PLCG2: variants seen among roughly 807,000 people sequenced by gnomAD.
PLCG2 encodes the protein 1-phosphatidylinositol 4,5-bisphosphate phosphodiesterase gamma-2.
Under a neutral mutation model 175.6 loss-of-function variants are expected in PLCG2, and 69 were observed. The ratio of observed to expected loss-of-function variants is 0.39; its 90% CI spans 0.32 to 0.48. The LOEUF is 0.48. Among genes scored for constraint, PLCG2 ranks in the 20% least tolerant of loss-of-function variants. The probability of loss-of-function intolerance (pLI) is 0.91; values close to 1 mark genes in which losing one functional copy is unlikely to be tolerated. For synonymous variants in PLCG2, 827 were observed against 624.0 expected, an observed-to-expected ratio of 1.33 and a Z score of -4.85; for missense variants, 1,798 against 1,650.9, an observed-to-expected ratio of 1.09 and a Z score of -1.54.
At chr16:81,835,259 C>G (rs1036956115) in intron 2 of PLCG2, among the ~76,000 whole-genome samples, 2 of 152,190 alleles carry the variant, frequency 1.3e-5, no homozygotes, top group Admixed American at 6.5e-5. Flanking sequence ...AGTTAATATA[C>G]TACCTTACGT....
chr16:81,812,447 G>T (rs1329502906), intron 2 of PLCG2, among the ~76,000 whole-genome samples: 1 of 152,200 alleles, frequency 6.6e-6, no homozygotes, highest in African/African-American at 2.4e-5. Context: ...CAGTGATGAT[G>T]AGCTTTTTTC....
At chr16:81,755,982 C>T (rs1206996654) in intron 2 of PLCG2, 1 of 152,692 alleles carries the variant, frequency 6.5e-6, no homozygotes, top group African/African-American at 2.4e-5. Flanking sequence ...CACATGGCCT[C>T]CAATCTGTCC....
At position 81,880,196 on chromosome 16, in the gene PLCG2, G is replaced by T. The variant is rs533554861; in HGVS notation, c.649-714G>T. On this transcript the variant is annotated intron_variant, in intron 7 of 32. Coordinates refer to ENST00000564138, the MANE Select transcript of PLCG2 (RefSeq NM_002661.5). ...AGTGAGGCTGTGGTGAACTATGGTC[G>T]TGCCACTGCACTCCAGCCTGGGTAA... 6.6e-5 allele frequency among the ~76,000 whole-genome samples: 10 copies of T among 152,262 alleles called. No homozygotes were observed. The South Asian group carries it at 2.1e-3, about 32-fold the overall frequency.
chr16:81,880,835 CA>C, intron 7 of PLCG2, 74 bp from the exon 8 acceptor site: 12 of 1,384,718 alleles, frequency 8.7e-6, no homozygotes, highest in Non-Finnish European at 1.1e-5. Flanking sequence ...GCTTTTTTAA[CA>C]ACAAAAATCT....
intron 2 of PLCG2, among the ~76,000 whole-genome samples, chr16:81,768,056 G>A (rs1028224613): frequency 5.3e-5 from 8 of 151,984 alleles, no homozygotes; most frequent in African/African-American, 1.9e-4. Flanking sequence ...TGCCCACCTA[G>A]TTTTTGTATA....
At chr16:81,824,557 T>C (rs1429944465) in intron 2 of PLCG2, among the ~76,000 whole-genome samples, 2 of 152,176 alleles carry the variant, frequency 1.3e-5, no homozygotes, top group South Asian at 2.1e-4. Flanking sequence ...CATGTTTGGA[T>C]CTCCCTCAGG....
At chr16:81,895,485 G>A (rs549194501) in intron 12 of PLCG2, 32 of 252,874 alleles carry the variant, frequency 1.3e-4, no homozygotes, top group African/African-American at 6.0e-4. Context: ...GCTTCAACCC[G>A]GGAGGCGGAG....
intron 1 of PLCG2, among the ~76,000 whole-genome samples, chr16:81,750,477 C>G (rs1053738263): frequency 1.3e-5 from 2 of 150,818 alleles, no homozygotes; most frequent in African/African-American, 4.9e-5. Flanking sequence ...GATATTTACC[C>G]AAAAGATTTG....
rs963072613 is a variant in PLCG2, at chr16:81,928,497, C to T, written c.2515-61C>T. 6.0e-5 allele frequency: 64 copies of T among 1,065,176 alleles called. 1 individual carries two copies. Among genetic ancestry groups the T allele is most frequent in the Middle Eastern group, 2.0e-4 (1 of 5,056 alleles). 66.0% of individuals were successfully genotyped at this position (1,065,176 alleles called of 1,614,324 possible). Reference sequence around the variant, plus strand: ...TCTGCTAAACGGTGTGCTTTGGAAACGGGTTTTCTTTTTATTATTCCCGTT... The same window carrying T: ...TCTGCTAAACGGTGTGCTTTGGAAATGGGTTTTCTTTTTATTATTCCCGTT... On this transcript the variant is annotated intron_variant, in intron 23 of 32. Coordinates refer to ENST00000564138, the MANE Select transcript of PLCG2 (RefSeq NM_002661.5).
At chr16:81,740,806 G>C (rs1909577273) in intron 1 of PLCG2, among the ~76,000 whole-genome samples, 1 of 148,844 alleles carries the variant, frequency 6.7e-6, no homozygotes, top group Non-Finnish European at 1.5e-5. Flanking sequence ...TTCCCACTGT[G>C]GGTGCAGAGG....
intron 14 of PLCG2, among the ~76,000 whole-genome samples, chr16:81,904,398 A>G (rs530007671): frequency 1.4e-4 from 22 of 152,342 alleles, no homozygotes; most frequent in African/African-American, 3.8e-4. Context: ...ATGACCCTCA[A>G]CTTACAGACG....
In PLCG2 at chr16:81,962,297, G is replaced by A. The variant is rs1472679138; in HGVS notation, c.*4299G>A. 5.0e-6 allele frequency: 1 copy of A among 199,312 alleles called. No homozygotes were observed. Among genetic ancestry groups the A allele is most frequent in the Non-Finnish European group, 1.0e-5 (1 of 96,666 alleles). The allele number at this position is 199,312 out of a possible 1,614,324, so 12.3% of individuals were successfully genotyped here. A position where few individuals can be genotyped will look rare whatever the true frequency, so the allele number is the denominator to read the frequency against. On this transcript the variant is annotated 3_prime_UTR_variant, in exon 33 of 33. Coordinates refer to ENST00000564138, the MANE Select transcript of PLCG2 (RefSeq NM_002661.5). ...CAACCTGTGTGACATTTAACTTTTT[G>A]AACCCAACCGTAAAAGCTATCTTCT...
rs73594838 is a variant in PLCG2 at position 81,871,033 on chromosome 16, T to C, written c.648+98T>C. 13,903 of 618,086 alleles carry C rather than the reference T, an allele frequency of 0.022. 497 individuals carry two copies. The highest frequency in any genetic ancestry group is 0.12 in the African/African-American group (6,495 of 52,930). 38.3% of individuals were successfully genotyped at this position (618,086 alleles called of 1,614,324 possible). A position where few individuals can be genotyped will look rare whatever the true frequency, so the allele number is the denominator to read the frequency against. On this transcript the variant is annotated intron_variant, in intron 7 of 32. Transcript: ENST00000564138. ...TAAGAAACCCACAAGAAGTGTTGAA[T>C]CTCCATTTTAGTCAAGGAAACATAA...
At chr16:81,788,053 G>A (rs977120136) in intron 2 of PLCG2, among the ~76,000 whole-genome samples, 1 of 152,108 alleles carries the variant, frequency 6.6e-6, no homozygotes, top group Non-Finnish European at 1.5e-5. Context: ...TTGTGTGGAT[G>A]TCTGTTTTTA....
At chr16:81,774,881 ACT>A (rs1244915258), upstream of PLCG2, among the ~76,000 whole-genome samples, 1 of 151,550 alleles carries the variant, frequency 6.6e-6, no homozygotes, top group Non-Finnish European at 1.5e-5. Context: ...AGTAGCTGTG[ACT>A]CAGGCTCACT....
rs565767671 is a variant in PLCG2, at chr16:81,882,023, G to A, written c.692+1070G>A. ...AGGCTGGTGGGGAAAGGTTAGAATT[G>A]TACTCATAATCAAAGACAACAGACT... On this transcript the variant is annotated intron_variant, in intron 8 of 32. Transcript: ENST00000564138. Among the ~76,000 whole-genome samples, 7 of 152,282 alleles carry A rather than the reference G, an allele frequency of 4.6e-5. No individual in the cohort carries two copies. The South Asian group carries it at 1.2e-3, about 27-fold the overall frequency.
chr16:81,897,180 C>T (rs563321093), intron 13 of PLCG2, among the ~76,000 whole-genome samples: 2 of 152,290 alleles, frequency 1.3e-5, no homozygotes, highest in South Asian at 4.1e-4. Flanking sequence ...CATCATATGC[C>T]GACTCCTGGT....
In PLCG2 at chr16:81,890,038, G is replaced by A. The variant is rs775250369; in HGVS notation, c.867+765G>A. 4.6e-5 allele frequency among the ~76,000 whole-genome samples: 7 copies of A among 152,150 alleles called. No homozygotes were observed. In the East Asian group the frequency reaches 1.3e-3, roughly 29 times the overall value. On this transcript the variant is annotated intron_variant, in intron 10 of 32. Coordinates refer to ENST00000564138, the MANE Select transcript of PLCG2 (RefSeq NM_002661.5). ...TGGTTGGAGATGCAATCATATGGTT[G>A]TGGAAAATAGTGTGCTTCTGGGTGG...
At chr16:81,821,275 C>T (rs1049175419) in intron 2 of PLCG2, among the ~76,000 whole-genome samples, 3 of 152,232 alleles carry the variant, frequency 2.0e-5, no homozygotes, top group African/African-American at 7.2e-5. Context: ...TGGCACATAG[C>T]AGATGCTAAA....
Sources: allele counts gnomAD v4.1 joint callset (sites outside exome capture counted in the v4.1 genomes callset), GRCh38; gene constraint gnomAD v4.1.1; transcripts MANE v1.5; gene names NCBI Gene and HGNC (gene_info 2026-07-23, HGNC 2026-07-21).